Variants in SLC9A5 observed in about 807,000 individuals in gnomAD.
SLC9A5 encodes the protein sodium/hydrogen exchanger 5.
Under a neutral mutation model 91.7 loss-of-function variants are expected in SLC9A5, and 52 were observed. The observed-to-expected ratio is 0.57, with a 90% CI of 0.45 to 0.71. The LOEUF (loss-of-function observed/expected upper bound fraction) is 0.71, where lower values mean the gene tolerates loss of function less well. SLC9A5 is among the 30% of genes least tolerant of loss of function. The pLI is 0.00. For missense variants in SLC9A5, 871 were observed against 1,158.9 expected, an observed-to-expected ratio of 0.75 and a Z score of 3.61; for synonymous variants, 419 against 474.5, an observed-to-expected ratio of 0.88 and a Z score of 1.52.
intron 12 of SLC9A5, chr16:67,262,179 A>T (rs1236250753): frequency 2.3e-6 from 1 of 429,642 alleles, no homozygotes; most frequent in Admixed American, 2.7e-5. Flanking sequence ...TTAACTTTGT[A>T]TTCATCCAAA....
At chr16:67,264,853 T>C (rs2035647562) in intron 13 of SLC9A5, among the ~76,000 whole-genome samples, 187 bp from the exon 14 acceptor site, 1 of 152,196 alleles carries the variant, frequency 6.6e-6, no homozygotes, top group Non-Finnish European at 1.5e-5. Flanking sequence ...CGCTGATGCA[T>C]CCAGATTTCT....
In SLC9A5 at chr16:67,270,751, G is replaced by A. The variant is rs143000650; in HGVS notation, c.2232G>A (p.Val744=). The A allele has an allele frequency of 9.0e-3, 14,391 of 1,606,822 alleles. 130 individuals carry two copies. The highest frequency in any genetic ancestry group is 0.026 in the South Asian group (2,373 of 90,202). ...QEGKVSGSLE[V]CPSPRIIPPS... ...CTCTGTCCCCAGGAAGCCTTGAGGTGTGCCCAAGCCCACGAATCATTCCCC... is the reference window on the plus strand; with the variant it reads ...CTCTGTCCCCAGGAAGCCTTGAGGTATGCCCAAGCCCACGAATCATTCCCC... Residue 744 remains valine, a synonymous_variant, in exon 16 of 16, where the codon GTG becomes GTA. Transcript: ENST00000299798. The surrounding 1 kb of genome is among the most constrained non-coding windows in gnomAD (Gnocchi z 4.3).
rs2035175238 is a variant in SLC9A5, at chr16:67,252,695, C to T, written c.341C>T (p.Pro114Leu). 2.5e-6 allele frequency: 4 copies of T among 1,614,118 alleles called. No individual in the cohort carries two copies. The South Asian group carries it at 4.4e-5, about 18-fold the overall frequency. Residue 114 changes from proline to leucine, a missense_variant, in exon 2 of 16, where the codon CCT becomes CTT. Pro to Leu is a moderately conservative substitution (Grantham distance 98). Coordinates refer to ENST00000299798, the MANE Select transcript of SLC9A5 (RefSeq NM_004594.3). The surrounding 1 kb of genome is among the most constrained non-coding windows in gnomAD (Gnocchi z 4.0). ...ACCTTCTTCCTCTTCCTGCTGCCTC[C>T]TATTGTGTTGGACTCAGGCTATTTC... ...PGTFFLFLLP[P>L]IVLDSGYFMP...
intron 15 of SLC9A5, among the ~76,000 whole-genome samples, chr16:67,269,552 C>T (rs1478453892): frequency 3.3e-5 from 5 of 152,194 alleles, no homozygotes; most frequent in Non-Finnish European, 7.3e-5. Context: ...AATTCATTCC[C>T]TAGCAGCCTG....
chr16:67,271,075 C>A lies in SLC9A5; in HGVS notation c.2556C>A (p.Arg852=). 6.2e-7 allele frequency: 1 copy of A among 1,612,794 alleles called. No homozygotes were observed. The highest frequency in any genetic ancestry group is 8.5e-7 in the Non-Finnish European group (1 of 1,179,108). The change falls in exon 16 of 16, where the codon CGC becomes CGA. Residue 852 remains arginine (R), a synonymous_variant. Coordinates refer to ENST00000299798, the MANE Select transcript of SLC9A5 (RefSeq NM_004594.3). ...PPSLAKAGRS[R]SESSADLPQQ... The stretch of plus-strand genomic sequence containing the variant: ...GCCTGGCCAAGGCTGGCCGCTCTCG[C>A]AGTGAGAGCAGCGCTGACCTCCCCC...
At chr16:67,262,108 C>T in intron 12 of SLC9A5, 1 of 344,522 alleles carries the variant, frequency 2.9e-6, no homozygotes, top group African/African-American at 2.1e-5. Context: ...GTTTGGTTCC[C>T]ATGTCTGCCA....
chr16:67,272,183 T>C lies in SLC9A5; in HGVS notation c.*973T>C, dbSNP rs1347269858. ...GAACCTAAGATATATTAAACATCTC[T>C]CAGATGGATGGGTGTCTTGTGTCCA... On this transcript the variant is annotated 3_prime_UTR_variant, in exon 16 of 16. Transcript: ENST00000299798. The C allele has an allele frequency of 6.6e-6, 1 of 152,000 alleles. No individual in the cohort carries two copies. The highest frequency in any genetic ancestry group is 1.5e-5 in the Non-Finnish European group (1 of 68,012). 9.4% of individuals were successfully genotyped at this position (152,000 alleles called of 1,614,324 possible).
In SLC9A5 at chr16:67,258,543, G is replaced by T; in HGVS notation, c.1626+96G>T. ...TGGCAAGCAGGCTGGCCCTGAGCAG[G>T]GAGTTGGGAATTCCTAGCTGGCTCC... On this transcript the variant is annotated intron_variant, in intron 10 of 15. Transcript: ENST00000299798. The surrounding 1 kb of genome is among the most constrained non-coding windows in gnomAD (Gnocchi z 4.5). 2 of 1,461,308 alleles carry T rather than the reference G, an allele frequency of 1.4e-6. No individual in the cohort carries two copies. The highest frequency in any genetic ancestry group is 1.9e-6 in the Non-Finnish European group (2 of 1,051,142). 90.5% of individuals were successfully genotyped at this position (1,461,308 alleles called of 1,614,324 possible). A position where few individuals can be genotyped will look rare whatever the true frequency, so the allele number is the denominator to read the frequency against.
rs2035917404 is a variant in SLC9A5 at position 67,271,299 on chromosome 16, G to A, written c.*89G>A. ...TAGAGCCCTCGAAACTTGACATGGG[G>A]CCAGAAGGGCCTGGGTTGAAGTAGT... On this transcript the variant is annotated 3_prime_UTR_variant, in exon 16 of 16. Coordinates refer to ENST00000299798, the MANE Select transcript of SLC9A5 (RefSeq NM_004594.3). 1 of 1,161,092 alleles carries A rather than the reference G, an allele frequency of 8.6e-7. No homozygotes were observed. The highest frequency in any genetic ancestry group is 1.2e-6 in the Non-Finnish European group (1 of 810,984). The allele number at this position is 1,161,092 out of a possible 1,614,324, so 71.9% of individuals were successfully genotyped here. A position where few individuals can be genotyped will look rare whatever the true frequency, so the allele number is the denominator to read the frequency against.
chr16:67,265,332 C>T (rs2142379136), intron 14 of SLC9A5, among the ~76,000 whole-genome samples: 1 of 152,320 alleles, frequency 6.6e-6, no homozygotes, highest in Non-Finnish European at 1.5e-5. Flanking sequence ...GCCCCGAGGA[C>T]TTGGAAAATG....
Position 67,256,160 on chromosome 16 carries a change from G to A in SLC9A5, c.911+230G>A, listed in dbSNP as rs924810666. ...AACCCTCTGGGTGTAGGCTGGGCTG[G>A]AAGTAGACTTTAAGGCCTGGGGCCA... On this transcript the variant is annotated intron_variant, in intron 5 of 15. Transcript: ENST00000299798. This position sits in a 1 kb window ranked among gnomAD's most constrained non-coding sequence, Gnocchi z 4.1. Among the ~76,000 whole-genome samples, 20 of 152,184 alleles carry A rather than the reference G, an allele frequency of 1.3e-4. No individual in the cohort carries two copies. The highest frequency in any genetic ancestry group is 4.3e-4 in the African/African-American group (18 of 41,436).
At chr16:67,264,257 A>G in intron 12 of SLC9A5, 95 bp from the exon 13 acceptor site, 1 of 1,046,432 alleles carries the variant, frequency 9.6e-7, no homozygotes, top group East Asian at 2.5e-5. Flanking sequence ...CTGGGCTGGC[A>G]GGTCCTGTGG....
At position 67,264,499 on chromosome 16, in the gene SLC9A5, C is replaced by A. The variant is rs1471695640; in HGVS notation, c.1990C>A (p.Pro664Thr). The part of the protein sequence containing the change: ...NICFTKSKPR[P>T]RKTGRRKKDG... ...CTGCTTCACCAAGAGCAAGCCACGA[C>A]CCCGCAAGACTGGCCGCAGGAAGGC... Residue 664 changes from proline (P) to threonine (T), a missense_variant, in exon 13 of 16, where the codon CCC (proline) becomes ACC (threonine). Coordinates refer to ENST00000299798, the MANE Select transcript of SLC9A5 (RefSeq NM_004594.3). 15 of 1,614,210 alleles carry A rather than the reference C, an allele frequency of 9.3e-6. No individual in the cohort carries two copies. Among genetic ancestry groups the A allele is most frequent in the Non-Finnish European group, 1.3e-5 (15 of 1,180,028 alleles).
In SLC9A5 at chr16:67,271,150, C is replaced by A; in HGVS notation, c.2631C>A (p.Leu877=). 6.2e-6 allele frequency: 10 copies of A among 1,613,366 alleles called. No homozygotes were observed. Among genetic ancestry groups the A allele is most frequent in the Non-Finnish European group, 8.5e-6 (10 of 1,180,040 alleles). ...TGGGCCACAAGGACCACACCCATCT[C>A]AGCCCAGGCACCGCTACCTCCCACT... ...PLMGHKDHTH[L]SPGTATSHWC... is the part of the protein sequence containing the mutation. Residue 877 remains leucine (L), a synonymous_variant, in exon 16 of 16, where the codon CTC becomes CTA. Transcript: ENST00000299798.
chr16:67,249,567 A>ATGTGTGGGGACATTGAGGGGAGGG (rs1348964847), intron 1 of SLC9A5, among the ~76,000 whole-genome samples: 1 of 152,042 alleles, frequency 6.6e-6, no homozygotes, highest in Non-Finnish European at 1.5e-5. Flanking sequence ...GCTGGTGAGG[A>ATGTGTGGGGACATTGAGGGGAGGG]TGTGTGGGGA....
At chr16:67,259,340 G>T (rs1252421800) in intron 10 of SLC9A5, among the ~76,000 whole-genome samples, 3 of 145,304 alleles carry the variant, frequency 2.1e-5, no homozygotes, top group Non-Finnish European at 4.5e-5. Context: ...CTCCAGCTTG[G>T]GTGATAGAGT....
Position 67,255,095 on chromosome 16 carries a change from G to A in SLC9A5, c.565G>A (p.Val189Met), listed in dbSNP as rs1301405164. 3.1e-6 allele frequency: 5 copies of A among 1,613,922 alleles called. No individual in the cohort carries two copies. The highest frequency in any genetic ancestry group is 2.2e-5 in the East Asian group (1 of 44,892). The change falls in exon 3 of 16, where the codon GTG becomes ATG. Residue 189 changes from valine to methionine, a missense_variant. Transcript: ENST00000299798. This position sits in a 1 kb window ranked among gnomAD's most constrained non-coding sequence, Gnocchi z 4.9. ...SLISAVDPVAVLAVFEEVHVN... is the reference protein window; with the variant it reads ...SLISAVDPVAMLAVFEEVHVN... ...CATCTCGGCGGTGGACCCCGTGGCCGTGCTAGCTGTCTTTGAGGAGGTGCA... is the reference window on the plus strand; with the variant it reads ...CATCTCGGCGGTGGACCCCGTGGCCATGCTAGCTGTCTTTGAGGAGGTGCA...
Position 67,258,393 on chromosome 16 carries a change from C to T in SLC9A5, c.1572C>T (p.Ile524=). The change falls in exon 10 of 16, where the codon ATC becomes ATT. Residue 524 remains isoleucine, a synonymous_variant. Transcript: ENST00000299798. This position sits in a 1 kb window ranked among gnomAD's most constrained non-coding sequence, Gnocchi z 4.5. ...RRSAYRIRDQ[I]WDVYYRLNIR... is the part of the protein sequence containing the mutation. ...CAGCCTACCGCATCCGGGACCAGAT[C>T]TGGGATGTGTACTACAGGCTTAACA... 2 of 1,614,216 alleles carry T rather than the reference C, an allele frequency of 1.2e-6. No homozygotes were observed. The highest frequency in any genetic ancestry group is 1.7e-6 in the Non-Finnish European group (2 of 1,180,034).
chr16:67,266,253 C>T, intron 15 of SLC9A5, 28 bp downstream of exon 15: 8 of 1,561,026 alleles, frequency 5.1e-6, no homozygotes, highest in Non-Finnish European at 6.9e-6. Context: ...GCCCACCTCC[C>T]CTCTGGAGCA....
Sources: allele counts gnomAD v4.1 joint callset (sites outside exome capture counted in the v4.1 genomes callset), GRCh38; gene constraint gnomAD v4.1.1; non-coding constraint Gnocchi (gnomAD v3.1); transcripts MANE v1.5; gene names NCBI Gene and HGNC (gene_info 2026-07-23, HGNC 2026-07-21).